The following SLC1A1 variants were observed in gnomAD, a reference collection of about 807,000 sequenced individuals.
The protein encoded by SLC1A1 is excitatory amino acid transporter 3.
SLC1A1 carries 43 observed loss-of-function variants against 53.3 expected under a neutral mutation model. That is an observed-to-expected ratio of 0.81 (90% CI 0.63 to 1.04). The LOEUF (loss-of-function observed/expected upper bound fraction) is 1.04, where lower values mean the gene tolerates loss of function less well. Ranked by LOEUF, SLC1A1 falls within the 50% of genes least tolerant of loss-of-function variation. The pLI, the probability that SLC1A1 is intolerant of heterozygous loss-of-function variation, is 0.00. For synonymous variants in SLC1A1, 307 were observed against 243.2 expected, an observed-to-expected ratio of 1.26 and a Z score of -2.44; for missense variants, 748 against 664.9, an observed-to-expected ratio of 1.12 and a Z score of -1.37.
intron 1 of SLC1A1, among the ~76,000 whole-genome samples, chr9:4,493,743 T>C (rs1444779881): frequency 2.0e-5 from 3 of 152,184 alleles, no homozygotes; most frequent in African/African-American, 7.2e-5. Context: ...AAAAATAATT[T>C]AAAGAAATAA....
intron 2 of SLC1A1, among the ~76,000 whole-genome samples, chr9:4,545,101 C>T (rs1056344466): frequency 2.6e-5 from 4 of 151,938 alleles, no homozygotes; most frequent in Non-Finnish European, 4.4e-5. Context: ...AACACAAAGC[C>T]TAACCATGTC....
At chr9:4,511,740 A>C (rs1821008654) in intron 1 of SLC1A1, among the ~76,000 whole-genome samples, 1 of 152,206 alleles carries the variant, frequency 6.6e-6, no homozygotes, top group African/African-American at 2.4e-5. Context: ...ACAGGGCAAG[A>C]AAAAGAAATA....
At position 4,556,035 on chromosome 9, in the gene SLC1A1, C is replaced by T. The variant is rs1010864146; in HGVS notation, c.233-5414C>T. Among the ~76,000 whole-genome samples the T allele has an allele frequency of 6.7e-6, 1 of 149,764 alleles. No homozygotes were observed. Among genetic ancestry groups the T allele is most frequent in the African/African-American group, 2.5e-5 (1 of 40,536 alleles). The stretch of plus-strand genomic sequence containing the variant: ...TGGAGTTTCACTCCTGTTGCCCAGG[C>T]TGAAGTGCAGTGGCATGATATCGGC... On this transcript the variant is annotated intron_variant, in intron 2 of 11. Coordinates refer to ENST00000262352, the MANE Select transcript of SLC1A1 (RefSeq NM_004170.6). The surrounding 1 kb of genome is among the most constrained non-coding windows in gnomAD (Gnocchi z 4.1).
At chr9:4,511,796 A>G (rs1030658285) in intron 1 of SLC1A1, among the ~76,000 whole-genome samples, 1 of 152,218 alleles carries the variant, frequency 6.6e-6, no homozygotes, top group Non-Finnish European at 1.5e-5. Context: ...CTATTCACAG[A>G]TGGCATGATT....
At chr9:4,546,941 A>G (rs767118716) in intron 2 of SLC1A1, among the ~76,000 whole-genome samples, 41 of 152,258 alleles carry the variant, frequency 2.7e-4, no homozygotes, top group Non-Finnish European at 5.3e-4. Flanking sequence ...GATGAGCAAT[A>G]CTATTGAACT....
chr9:4,511,779 A>C (rs1339296323), intron 1 of SLC1A1, among the ~76,000 whole-genome samples: 2 of 152,176 alleles, frequency 1.3e-5, no homozygotes, highest in Admixed American at 1.3e-4. Context: ...AAGAAACAAA[A>C]CTGTCCCTAT....
intron 1 of SLC1A1, among the ~76,000 whole-genome samples, chr9:4,496,318 A>T (rs1820418989): frequency 6.6e-6 from 1 of 152,104 alleles, no homozygotes; most frequent in Non-Finnish European, 1.5e-5. Context: ...CTGGGCTTTT[A>T]TTTGGAGGCA....
At chr9:4,497,139 T>C (rs1158483592) in intron 1 of SLC1A1, among the ~76,000 whole-genome samples, 1 of 152,146 alleles carries the variant, frequency 6.6e-6, no homozygotes, top group African/African-American at 2.4e-5. Flanking sequence ...ACAGAAATTT[T>C]TTTTTGAGAC....
At chr9:4,512,083 A>G (rs62545871) in intron 1 of SLC1A1, among the ~76,000 whole-genome samples, 41,588 of 152,086 alleles carry the variant, frequency 0.27, 6,301 homozygotes, top group Admixed American at 0.36. Context: ...ATGGAGAGAC[A>G]TAAGTTGTTC....
At chr9:4,540,026 C>T (rs1354041737) in intron 1 of SLC1A1, among the ~76,000 whole-genome samples, 2 of 152,294 alleles carry the variant, frequency 1.3e-5, no homozygotes, top group East Asian at 1.9e-4. Context: ...TGTTTTCCTG[C>T]TCAAATGTTG....
rs911170927 is a variant in SLC1A1 at position 4,573,782 on chromosome 9, C to T, written c.768-125C>T. 13 of 767,418 alleles carry T rather than the reference C, an allele frequency of 1.7e-5. No individual in the cohort carries two copies. In the African/African-American group the frequency reaches 2.0e-4, roughly 12 times the overall value. The allele number at this position is 767,418 out of a possible 1,614,324, so 47.5% of individuals were successfully genotyped here. ...AACAACTCTTAGCTTCAATTCCCAT[C>T]CTGTGCTCCACCAAGTGTGCATGCC... On this transcript the variant is annotated intron_variant, in intron 7 of 11. Coordinates refer to ENST00000262352, the MANE Select transcript of SLC1A1 (RefSeq NM_004170.6).
chr9:4,517,002 G>A (rs962055579), intron 1 of SLC1A1, among the ~76,000 whole-genome samples: 5 of 152,158 alleles, frequency 3.3e-5, no homozygotes, highest in Admixed American at 1.3e-4. Flanking sequence ...ACTGGATATC[G>A]AAGCTGGCCA....
chr9:4,496,003 C>T (rs1442314630), intron 1 of SLC1A1, among the ~76,000 whole-genome samples: 1 of 152,078 alleles, frequency 6.6e-6, no homozygotes, highest in Non-Finnish European at 1.5e-5. Flanking sequence ...GAGTCTGGTG[C>T]TCAGGAGACA....
intron 2 of SLC1A1, among the ~76,000 whole-genome samples, chr9:4,548,604 G>T (rs946146047): frequency 1.4e-4 from 22 of 152,132 alleles, no homozygotes; most frequent in African/African-American, 5.3e-4. Flanking sequence ...TTTATGTGAT[G>T]ATAAGGTTAA....
chr9:4,521,518 T>C (rs967892166), intron 1 of SLC1A1, among the ~76,000 whole-genome samples: 4 of 152,324 alleles, frequency 2.6e-5, no homozygotes, highest in Non-Finnish European at 4.4e-5. Flanking sequence ...CATGGTGGCA[T>C]GGACACCTTG....
At chr9:4,560,116 A>G (rs1395301020) in intron 2 of SLC1A1, 1 of 152,216 alleles carries the variant, frequency 6.6e-6, no homozygotes, top group African/African-American at 2.4e-5. Context: ...CTGGGAAATT[A>G]TTTATTAATA....
chr9:4,534,591 G>T (rs575660273), intron 1 of SLC1A1, among the ~76,000 whole-genome samples: 2 of 152,086 alleles, frequency 1.3e-5, no homozygotes, highest in South Asian at 2.1e-4. Context: ...ACCAAAAAAA[G>T]TCCAGGACCA....
intron 6 of SLC1A1, among the ~76,000 whole-genome samples, chr9:4,570,745 A>G (rs1249512474): frequency 6.6e-6 from 1 of 152,044 alleles, no homozygotes; most frequent in Non-Finnish European, 1.5e-5. Flanking sequence ...TTTACCCAGG[A>G]TAAAGTGAAG....
intron 6 of SLC1A1, among the ~76,000 whole-genome samples, chr9:4,571,240 G>C (rs573525182): frequency 1.3e-5 from 2 of 152,288 alleles, no homozygotes; most frequent in African/African-American, 2.4e-5. Flanking sequence ...AGAGGGTAGA[G>C]GGTGGGAGGA....
Sources: gnomAD v4.1 joint callset for allele counts (sites outside exome capture counted in the v4.1 genomes callset) on GRCh38, gnomAD v4.1.1 for gene constraint, Gnocchi (gnomAD v3.1) non-coding constraint, MANE v1.5 for transcripts, NCBI Gene and HGNC (gene_info 2026-07-23, HGNC 2026-07-21) for gene names.